Variants in SEM1 observed in about 807,000 individuals in gnomAD.
SEM1 encodes SEM1 26S proteasome subunit, also known as 26S proteasome complex subunit SEM1.
In SEM1, 3 loss-of-function variants were observed where a neutral mutation model predicts 12.7. The ratio of observed to expected loss-of-function variants is 0.24; its 90% CI spans 0.11 to 0.61. The LOEUF is 0.61. Among genes scored for constraint, SEM1 ranks in the 20% least tolerant of loss-of-function variants. The pLI is 0.88. For missense variants in SEM1, 59 were observed against 81.3 expected (o/e 0.73, Z 1.06); for synonymous variants, 30 against 27.8 (o/e 1.08, Z -0.25).
chr7:96,539,814 T>G (rs1029858848), intron 2 of SEM1, among the ~76,000 whole-genome samples: 1 of 151,592 alleles, frequency 6.6e-6, no homozygotes, highest in African/African-American at 2.4e-5. Context: ...TTAAGACAGC[T>G]CTCCTAAATG....
At chr7:96,507,258 T>C (rs1025004498) in intron 2 of SEM1, among the ~76,000 whole-genome samples, 3 of 152,118 alleles carry the variant, frequency 2.0e-5, no homozygotes, top group Non-Finnish European at 4.4e-5. Flanking sequence ...TATATCCATA[T>C]AGTTGAGAAT....
chr7:96,497,030 C>CA (rs1803309278), upstream of SEM1, among the ~76,000 whole-genome samples: 1 of 151,972 alleles, frequency 6.6e-6, no homozygotes, highest in South Asian at 2.1e-4. Flanking sequence ...CACACACACA[C>CA]ACTCTGTCAT....
At chr7:96,622,385 G>A (rs1807922728), downstream of SEM1, 1 of 509,878 alleles carries the variant, frequency 2.0e-6, no homozygotes, top group Non-Finnish European at 3.5e-6. Flanking sequence ...ACAGAATGAT[G>A]AGAAAAATTT....
At chr7:96,591,251 C>G (rs951285986) in intron 2 of SEM1, among the ~76,000 whole-genome samples, 4 of 152,006 alleles carry the variant, frequency 2.6e-5, no homozygotes, top group South Asian at 2.1e-4. Context: ...TTTCTTTACA[C>G]GAACAGCAAA....
intron 2 of SEM1, among the ~76,000 whole-genome samples, chr7:96,594,271 G>A (rs188730865): frequency 1.1e-4 from 16 of 152,134 alleles, no homozygotes; most frequent in African/African-American, 3.6e-4. Context: ...CTGACACCAG[G>A]CTGAAAAGTG....
chr7:96,565,368 T>C (rs1440241085), intron 2 of SEM1, among the ~76,000 whole-genome samples: 2 of 151,882 alleles, frequency 1.3e-5, no homozygotes, highest in Non-Finnish European at 1.5e-5. Flanking sequence ...TTAGAAGGTA[T>C]TGCACTATAA....
At chr7:96,653,190 A>C (rs1276720587) in intron 2 of SEM1, among the ~76,000 whole-genome samples, 1 of 152,220 alleles carries the variant, frequency 6.6e-6, no homozygotes, top group Non-Finnish European at 1.5e-5. Flanking sequence ...TCCAGGAGCC[A>C]TGTGCAGACA....
intron 1 of SEM1, among the ~76,000 whole-genome samples, chr7:96,704,386 G>A (rs542159971): frequency 5.9e-5 from 9 of 151,926 alleles, no homozygotes; most frequent in African/African-American, 2.2e-4. Flanking sequence ...ACCATAAGCG[G>A]TTACTTATAC....
intron 2 of SEM1, among the ~76,000 whole-genome samples, chr7:96,678,677 T>C (rs1312370397): frequency 2.6e-5 from 4 of 152,138 alleles, no homozygotes; most frequent in African/African-American, 9.7e-5. Context: ...GGAACACCAT[T>C]TGACATCACT....
intron 2 of SEM1, among the ~76,000 whole-genome samples, chr7:96,645,214 C>T (rs775544924): frequency 1.3e-5 from 2 of 152,012 alleles, no homozygotes; most frequent in African/African-American, 4.8e-5. Context: ...AGCATTTGTT[C>T]GTTCGTAAAC....
intron 2 of SEM1, among the ~76,000 whole-genome samples, chr7:96,612,731 G>T (rs1005714239): frequency 6.6e-6 from 1 of 152,112 alleles, no homozygotes; most frequent in Non-Finnish European, 1.5e-5. Context: ...TGCCTCCTGG[G>T]TTCACGCCAT....
downstream of SEM1, chr7:96,622,456 T>C (rs915458685): frequency 1.5e-5 from 8 of 549,010 alleles, no homozygotes; most frequent in African/African-American, 1.9e-5. Flanking sequence ...TCAAGAAATA[T>C]CAGTGCAGTT....
At chr7:96,483,615 A>G (rs532520271) in exon 4 of SEM1, 1 of 490,334 alleles carries the variant, frequency 2.0e-6, no homozygotes, top group South Asian at 2.0e-5. Flanking sequence ...TGTCTGAAAC[A>G]TTGTCAGTTG....
chr7:96,670,854 A>G (rs1225281847), downstream of SEM1, among the ~76,000 whole-genome samples: 4 of 152,172 alleles, frequency 2.6e-5, no homozygotes, highest in African/African-American at 9.7e-5. Context: ...AAACCTAGCA[A>G]TCTGCTTTGT....
At chr7:96,564,854 T>TA in intron 2 of SEM1, among the ~76,000 whole-genome samples, 1 of 152,074 alleles carries the variant, frequency 6.6e-6, no homozygotes. Flanking sequence ...ATGGTAAGTC[T>TA]ATTTTTCATC....
chr7:96,618,630 C>A (rs558630078), downstream of SEM1, among the ~76,000 whole-genome samples: 43 of 152,032 alleles, frequency 2.8e-4, no homozygotes, highest in African/African-American at 1.0e-3. Flanking sequence ...GAAGACCAGT[C>A]TTCAGCTTCT....
intron 1 of SEM1, among the ~76,000 whole-genome samples, chr7:96,493,067 G>A (rs1476715313): frequency 6.6e-6 from 1 of 152,064 alleles, no homozygotes; most frequent in Non-Finnish European, 1.5e-5. Context: ...TCTGCCTCCT[G>A]GGTTCAAGTG....
intron 3 of SEM1, among the ~76,000 whole-genome samples, chr7:96,484,634 G>A (rs1802679156): frequency 6.6e-6 from 1 of 152,130 alleles, no homozygotes; most frequent in African/African-American, 2.4e-5. Context: ...GAAAAGGCAT[G>A]GCCACAAGTA....
intron 2 of SEM1, among the ~76,000 whole-genome samples, chr7:96,651,219 T>C (rs1808971589): frequency 6.6e-6 from 1 of 152,208 alleles, no homozygotes; most frequent in South Asian, 2.1e-4. Flanking sequence ...AAATTCCATG[T>C]TGGAAAAGGT....
Sources: allele counts gnomAD v4.1 joint callset (sites outside exome capture counted in the v4.1 genomes callset), GRCh38; gene constraint gnomAD v4.1.1; transcripts MANE v1.5; gene names NCBI Gene and HGNC (gene_info 2026-07-23, HGNC 2026-07-21).